The following NREP variants were observed in gnomAD, a reference collection of about 807,000 sequenced individuals.
NREP encodes neuronal regeneration related protein, also known as neuronal regeneration-related protein.
In NREP, 5 loss-of-function variants were observed where a neutral mutation model predicts 8.6. The observed-to-expected ratio is 0.58, with a 90% confidence interval of 0.30 to 1.22. NREP has a LOEUF of 1.22. Among genes scored for constraint, NREP ranks in the 50% most tolerant of loss-of-function variants. NREP has a pLI of 0.07. For synonymous variants in NREP, 27 were observed against 28.0 expected, an observed-to-expected ratio of 0.96 and a Z score of 0.11; for missense variants, 86 against 82.5, an observed-to-expected ratio of 1.04 and a Z score of -0.17.
intron 2 of NREP, among the ~76,000 whole-genome samples, chr5:111,927,509 T>A (rs1342100896): frequency 6.6e-6 from 1 of 152,108 alleles, no homozygotes; most frequent in Non-Finnish European, 1.5e-5. Flanking sequence ...AACCCACTAT[T>A]CCTAAGGGAA....
At chr5:111,753,404 G>C (rs904326795) in intron 2 of NREP, among the ~76,000 whole-genome samples, 5 of 145,736 alleles carry the variant, frequency 3.4e-5, no homozygotes, top group Non-Finnish European at 6.0e-5. Context: ...ATATTTTATA[G>C]ATATATAAAT....
chr5:111,927,032 C>T (rs562269747), intron 2 of NREP, among the ~76,000 whole-genome samples: 6 of 151,936 alleles, frequency 3.9e-5, no homozygotes, highest in Non-Finnish European at 8.8e-5. Flanking sequence ...AGATGGATCT[C>T]GGGAGAGACT....
At chr5:111,975,343 G>A (rs114287919) in exon 2 of NREP, 1 of 1,551,634 alleles carries the variant, frequency 6.4e-7, no homozygotes, top group Non-Finnish European at 8.7e-7. Context: ...CTGTCATCCT[G>A]CTCCTCTGGG....
chr5:111,913,020 C>G (rs935030004), intron 2 of NREP, among the ~76,000 whole-genome samples: 1 of 152,074 alleles, frequency 6.6e-6, no homozygotes, highest in African/African-American at 2.4e-5. Context: ...ATATTGTTTA[C>G]TTATTAGCTA....
chr5:111,919,919 G>GAAAGAAAGAAAGAAAGAAAGAAAC lies in NREP; in HGVS notation c.135+55354_135+55355insGTTTCTTTCTTTCTTTCTTTCTTT, dbSNP rs1342506108. On this transcript the variant is annotated intron_variant, in intron 2 of 3. Transcript: ENST00000395634. ...AGAAAGAAAGAAAGAAAGAAAGAAA[G>GAAAGAAAGAAAGAAAGAAAGAAAC]ATCTGAACTGTCCATTATGTAGTAA... Among the ~76,000 whole-genome samples the GAAAGAAAGAAAGAAAGAAAGAAAC allele has an allele frequency of 4.2e-5, 6 of 143,278 alleles. No homozygotes were observed. In the East Asian group the frequency reaches 6.5e-4, roughly 16 times the overall value. 94.0% of individuals were successfully genotyped at this position (143,278 alleles called of 152,430 possible). A position where few individuals can be genotyped will look rare whatever the true frequency, so the allele number is the denominator to read the frequency against.
intron 2 of NREP, among the ~76,000 whole-genome samples, chr5:111,916,510 C>T (rs1755063510): frequency 6.6e-6 from 1 of 152,132 alleles, no homozygotes; most frequent in African/African-American, 2.4e-5. Flanking sequence ...AGCACCAGCT[C>T]TTGAATATAA....
At chr5:111,922,936 G>A (rs1430245767) in intron 2 of NREP, among the ~76,000 whole-genome samples, 1 of 152,164 alleles carries the variant, frequency 6.6e-6, no homozygotes, top group African/African-American at 2.4e-5. Context: ...TGGCTGCCTG[G>A]TTGGCTAACT....
At chr5:111,910,754 G>A (rs549129475) in intron 2 of NREP, among the ~76,000 whole-genome samples, 328 of 152,092 alleles carry the variant, frequency 2.2e-3, no homozygotes, top group African/African-American at 7.8e-3. Flanking sequence ...CCTCCAAAAG[G>A]AAGCCCTGTG....
At chr5:111,886,106 G>A in intron 2 of NREP, among the ~76,000 whole-genome samples, 1 of 152,212 alleles carries the variant, frequency 6.6e-6, no homozygotes, top group Non-Finnish European at 1.5e-5. Flanking sequence ...AATCTACAAT[G>A]AACTCAAACA....
intron 2 of NREP, among the ~76,000 whole-genome samples, chr5:111,848,621 G>A (rs1753235486): frequency 6.6e-6 from 1 of 152,088 alleles, no homozygotes; most frequent in South Asian, 2.1e-4. Context: ...AGTTGTGGAT[G>A]CTTCCTTTAC....
intron 2 of NREP, among the ~76,000 whole-genome samples, chr5:111,804,990 G>C (rs1038925612): frequency 3.9e-5 from 5 of 127,778 alleles, no homozygotes; most frequent in African/African-American, 1.5e-4. Flanking sequence ...GACAGAGCGA[G>C]ACTCCGTCTC....
At chr5:111,953,880 G>C (rs149100722) in intron 2 of NREP, among the ~76,000 whole-genome samples, 1 of 152,132 alleles carries the variant, frequency 6.6e-6, no homozygotes, top group African/African-American at 2.4e-5. Context: ...GAAGTGTATT[G>C]AAATAATTAC....
intron 2 of NREP, among the ~76,000 whole-genome samples, chr5:111,784,270 A>G (rs1356979815): frequency 6.6e-6 from 1 of 152,054 alleles, no homozygotes; most frequent in Non-Finnish European, 1.5e-5. Context: ...TTTTGTCCAT[A>G]TTTTACTGGC....
chr5:111,806,217 C>T (rs2112909411), intron 2 of NREP, among the ~76,000 whole-genome samples: 1 of 152,120 alleles, frequency 6.6e-6, no homozygotes, highest in African/African-American at 2.4e-5. Flanking sequence ...TACCCTTGTC[C>T]CACCTCTTGC....
At chr5:111,962,767 T>C (rs1004737779) in intron 2 of NREP, among the ~76,000 whole-genome samples, 9 of 152,190 alleles carry the variant, frequency 5.9e-5, no homozygotes, top group African/African-American at 2.2e-4. Context: ...AAGAAGTGGA[T>C]TGACTGGAAA....
chr5:111,816,406 G>A (rs1469136679), intron 2 of NREP, among the ~76,000 whole-genome samples: 2 of 152,046 alleles, frequency 1.3e-5, no homozygotes, highest in African/African-American at 4.8e-5. Context: ...GTCTTGTGAG[G>A]TTTAAAACAT....
chr5:111,786,616 C>T (rs950791131), intron 2 of NREP, among the ~76,000 whole-genome samples: 1 of 152,192 alleles, frequency 6.6e-6, no homozygotes, highest in African/African-American at 2.4e-5. Context: ...CCACTCTTGT[C>T]ACTTTCCTCT....
At chr5:111,922,368 C>T (rs1029069974) in intron 2 of NREP, among the ~76,000 whole-genome samples, 3 of 151,986 alleles carry the variant, frequency 2.0e-5, no homozygotes, top group East Asian at 1.9e-4. Context: ...GAGTCCAAAG[C>T]GGGGAATTAT....
chr5:111,921,632 T>A (rs1047385744), intron 2 of NREP, among the ~76,000 whole-genome samples: 1 of 152,176 alleles, frequency 6.6e-6, no homozygotes, highest in Admixed American at 6.5e-5. Flanking sequence ...GTAAAGTCTT[T>A]GGACAAGCCT....
Sources: gnomAD v4.1 joint callset for allele counts (sites outside exome capture counted in the v4.1 genomes callset) on GRCh38, gnomAD v4.1.1 for gene constraint, MANE v1.5 for transcripts, NCBI Gene and HGNC (gene_info 2026-07-23, HGNC 2026-07-21) for gene names.